TAF7L: variants seen among roughly 807,000 people sequenced by gnomAD.
TAF7L encodes transcription initiation factor TFIID subunit 7-like.
A neutral mutation model predicts 30.2 loss-of-function variants in TAF7L; 6 were observed. The ratio of observed to expected loss-of-function variants is 0.20; its 90% CI spans 0.11 to 0.39. The LOEUF (loss-of-function observed/expected upper bound fraction) is 0.39, where lower values mean the gene tolerates loss of function less well. Among genes scored for constraint, TAF7L ranks in the 10% least tolerant of loss-of-function variants. The pLI, the probability that TAF7L is intolerant of heterozygous loss-of-function variation, is 1.00. For missense variants in TAF7L, 284 were observed against 277.1 expected (o/e 1.03, Z -0.18); for synonymous variants, 93 against 94.5 (o/e 0.98, Z 0.09).
chrX:101,277,015 G>A (rs1188336968), intron 9 of TAF7L, among the ~76,000 whole-genome samples: 1 of 108,010 alleles, frequency 9.3e-6, no homozygotes, highest in Admixed American at 9.9e-5. Context: ...AGCTTGGTGT[G>A]GTGGTACATG....
chrX:101,275,965 A>T lies in TAF7L; in HGVS notation c.1026+35T>A, dbSNP rs774388934. On this transcript the variant is annotated intron_variant, in intron 11 of 12. Coordinates refer to ENST00000356784, the MANE Select transcript of TAF7L (RefSeq NM_001168474.2). The stretch of plus-strand genomic sequence containing the variant: ...ACAAAGGCAAGATACTGAAAGTAAG[A>T]TATCAGGATTTCTTTATGCCAGCCA... 8 of 987,259 alleles carry T rather than the reference A, an allele frequency of 8.1e-6. No homozygotes were observed. In the South Asian group the frequency reaches 1.1e-4, roughly 13 times the overall value. 81.4% of individuals were successfully genotyped at this position (987,259 alleles called of 1,213,427 possible).
At position 101,283,601 on chromosome X, in the gene TAF7L, T is replaced by C. The variant is rs375720955; in HGVS notation, c.146-18A>G. ...CCCATCAGCTGAAGAGAAGTAAAGA[T>C]TAAAGTTGATATCTTCCCAGTGAAC... On this transcript the variant is annotated intron_variant, in intron 3 of 12. Coordinates refer to ENST00000356784, the MANE Select transcript of TAF7L (RefSeq NM_001168474.2). The C allele has an allele frequency of 3.3e-6, 4 of 1,206,724 alleles. No individual in the cohort carries two copies. The African/African-American group carries it at 7.0e-5, about 21-fold the overall frequency.
intron 9 of TAF7L, 100 bp from the exon 10 acceptor site, chrX:101,276,628 A>C (rs1323073207): frequency 5.5e-6 from 5 of 902,384 alleles, no homozygotes; most frequent in East Asian, 3.1e-5. Context: ...CCAGGCAACC[A>C]GTGAATTTTA....
intron 12 of TAF7L, among the ~76,000 whole-genome samples, chrX:101,271,882 TA>T (rs1477597897): frequency 8.9e-6 from 1 of 111,840 alleles, no homozygotes. Flanking sequence ...TGGTGGGTAC[TA>T]AAACAATCCT....
At chrX:101,273,520 C>T (rs932332805) in intron 12 of TAF7L, among the ~76,000 whole-genome samples, 9 of 111,096 alleles carry the variant, frequency 8.1e-5, no homozygotes, top group Admixed American at 4.8e-4. Flanking sequence ...ACCCGAGAGG[C>T]GGATGTTGCA....
intron 12 of TAF7L, among the ~76,000 whole-genome samples, chrX:101,272,509 A>C (rs1234773492): frequency 1.8e-5 from 2 of 111,337 alleles, no homozygotes; most frequent in African/African-American, 6.5e-5. Flanking sequence ...AAATATGCTA[A>C]ATGAGAGGAG....
At chrX:101,282,911 G>A (rs751586915) in intron 4 of TAF7L, among the ~76,000 whole-genome samples, 1 of 110,240 alleles carries the variant, frequency 9.1e-6, no homozygotes, top group South Asian at 3.9e-4. Context: ...GACTACAGGT[G>A]TGTGCCACCA....
At chrX:101,279,134 A>ATTGAGTGCCTACTAAAT in intron 6 of TAF7L, 99 bp from the exon 7 acceptor site, 1 of 664,763 alleles carries the variant, frequency 1.5e-6, no homozygotes, top group Non-Finnish European at 2.3e-6. Flanking sequence ...TTTTACATTT[A>ATTGAGTGCCTACTAAAT]GTAGGCACTC....
At chrX:101,281,689 C>A (rs1331182275) in intron 6 of TAF7L, 31 bp downstream of exon 6, 1 of 1,199,631 alleles carries the variant, frequency 8.3e-7, no homozygotes, top group Admixed American at 2.2e-5. Context: ...TCTAATCGGC[C>A]CGGCAGACAC....
In TAF7L at chrX:101,268,894, G is replaced by C. The variant is rs1923877698; in HGVS notation, c.*299C>G. On this transcript the variant is annotated 3_prime_UTR_variant, in exon 13 of 13. Coordinates refer to ENST00000356784, the MANE Select transcript of TAF7L (RefSeq NM_001168474.2). The stretch of plus-strand genomic sequence containing the variant: ...GCGGAAGGATCCCTTAAGCCCAGGA[G>C]TCTGAATTCAGCCTGGGCAACATAA... 4.8e-6 allele frequency: 1 copy of C among 208,734 alleles called. No homozygotes were observed. Among genetic ancestry groups the C allele is most frequent in the African/African-American group, 2.9e-5 (1 of 34,201 alleles). The allele number at this position is 208,734 out of a possible 1,213,427, so 17.2% of individuals were successfully genotyped here.
chrX:101,286,180 C>CAA (rs1188025833), intron 3 of TAF7L, among the ~76,000 whole-genome samples: 507 of 46,278 alleles, frequency 0.011, 6 homozygotes, highest in African/African-American at 0.035. Flanking sequence ...GACTCCATCT[C>CAA]AAAAAAAAAA....
Position 101,278,093 on chromosome X carries a change from T to A in TAF7L, c.533A>T (p.Glu178Val). ...ATCCGAACGCAGCAGTCTCTTTACT[T>A]CATTTTCCACGTCTGGAGATTCAAT... is the stretch of plus-strand genomic sequence containing the variant. ...EYIESPDVEN[E>V]VKRLLRSDAE... Residue 178 changes from glutamate (E) to valine (V), a missense_variant, in exon 8 of 13, where the codon GAA (glutamate) becomes GTA (valine). Coordinates refer to ENST00000356784, the MANE Select transcript of TAF7L (RefSeq NM_001168474.2). 8.3e-7 allele frequency: 1 copy of A among 1,211,161 alleles called. No individual in the cohort carries two copies. The highest frequency in any genetic ancestry group is 2.2e-5 in the Admixed American group (1 of 46,040).
intron 6 of TAF7L, 59 bp from the exon 7 acceptor site, chrX:101,279,094 T>TA: frequency 2.1e-6 from 2 of 941,905 alleles, no homozygotes; most frequent in Non-Finnish European, 3.0e-6. Flanking sequence ...CAGTAAAGCT[T>TA]AAAGAGCTCT....
intron 1 of TAF7L, among the ~76,000 whole-genome samples, chrX:101,289,847 C>T (rs1924736186): frequency 9.1e-6 from 1 of 109,930 alleles, no homozygotes; most frequent in Admixed American, 9.6e-5. Flanking sequence ...CCTTGGCCTC[C>T]CAAAGTGTTG....
rs976810098 is a variant in TAF7L, at chrX:101,268,667, T to G, written c.*526A>C. On this transcript the variant is annotated 3_prime_UTR_variant, in exon 13 of 13. Coordinates refer to ENST00000356784, the MANE Select transcript of TAF7L (RefSeq NM_001168474.2). ...GCTTAGTAGAAATGACCTCGTTTTT[T>G]CCCCTATGTTTTAGGAAATACTAAA... 2 of 112,206 alleles carry G rather than the reference T, an allele frequency of 1.8e-5. No individual in the cohort carries two copies. Among genetic ancestry groups the G allele is most frequent in the Non-Finnish European group, 3.7e-5 (2 of 53,395 alleles). The allele number at this position is 112,206 out of a possible 1,213,427, so 9.2% of individuals were successfully genotyped here.
At chrX:101,271,345 C>T (rs963521385) in intron 12 of TAF7L, among the ~76,000 whole-genome samples, 21 of 111,613 alleles carry the variant, frequency 1.9e-4, no homozygotes, top group African/African-American at 6.8e-4. Context: ...CATACTTACA[C>T]CAACCTAGAT....
At chrX:101,279,188 T>C (rs1924318239) in intron 6 of TAF7L, among the ~76,000 whole-genome samples, 153 bp from the exon 7 acceptor site, 1 of 112,230 alleles carries the variant, frequency 8.9e-6, no homozygotes, top group Non-Finnish European at 1.9e-5. Flanking sequence ...GGCAACTGTG[T>C]TCATGGATTG....
At chrX:101,273,588 A>T (rs1314298802) in intron 12 of TAF7L, among the ~76,000 whole-genome samples, 1 of 99,597 alleles carries the variant, frequency 1.0e-5, no homozygotes, top group African/African-American at 4.1e-5. Context: ...GACTCCATTT[A>T]AAAAAAAAAA....
chrX:101,274,340 G>A (rs892772825), intron 12 of TAF7L, among the ~76,000 whole-genome samples: 3 of 109,019 alleles, frequency 2.8e-5, no homozygotes, highest in Non-Finnish European at 3.8e-5. Context: ...TTAGCGTCCT[G>A]AGTAGCTGAG....
Sources: allele counts gnomAD v4.1 joint callset (sites outside exome capture counted in the v4.1 genomes callset), GRCh38; gene constraint gnomAD v4.1.1; transcripts MANE v1.5; gene names NCBI Gene and HGNC (gene_info 2026-07-23, HGNC 2026-07-21).